Variants in KIRREL3 observed in about 807,000 individuals in gnomAD.
KIRREL3 encodes kirre like nephrin family adhesion molecule 3.
KIRREL3 carries 36 observed loss-of-function variants against 89.7 expected under a neutral mutation model. That is an observed-to-expected ratio of 0.40 (90% CI 0.31 to 0.53). The LOEUF (loss-of-function observed/expected upper bound fraction) is 0.53, where lower values mean the gene tolerates loss of function less well. Ranked by LOEUF, KIRREL3 falls within the 20% of genes least tolerant of loss-of-function variation. The pLI is 0.49. For missense variants in KIRREL3, 864 were observed against 1,056.6 expected (o/e 0.82, Z 2.53); for synonymous variants, 445 against 441.4 (o/e 1.01, Z -0.10).
chr11:126,495,051 A>G lies in KIRREL3; in HGVS notation c.434-21585T>C, dbSNP rs909258096. 6.6e-6 allele frequency among the ~76,000 whole-genome samples: 1 copy of G among 152,180 alleles called. No individual in the cohort carries two copies. Among genetic ancestry groups the G allele is most frequent in the Non-Finnish European group, 1.5e-5 (1 of 68,026 alleles). The stretch of plus-strand genomic sequence containing the variant: ...GGGTGGCTAGGCTGTGCACTGGCCA[A>G]TTCCAGTGGGCACTGAGCACTTAGC... On this transcript the variant is annotated intron_variant, in intron 4 of 16. Coordinates refer to ENST00000525144, the MANE Select transcript of KIRREL3 (RefSeq NM_032531.4). The surrounding 1 kb of genome is among the most constrained non-coding windows in gnomAD (Gnocchi z 6.5).
At position 126,795,806 on chromosome 11, in the gene KIRREL3, T is replaced by TC. The variant is rs369224114; in HGVS notation, c.55+204648dup. Among the ~76,000 whole-genome samples the TC allele has an allele frequency of 3.3e-5, 5 of 151,552 alleles. No homozygotes were observed. The highest frequency in any genetic ancestry group is 2.1e-4 in the South Asian group (1 of 4,800). On this transcript the variant is annotated intron_variant, in intron 1 of 16. Coordinates refer to ENST00000525144, the MANE Select transcript of KIRREL3 (RefSeq NM_032531.4). This position sits in a 1 kb window ranked among gnomAD's most constrained non-coding sequence, Gnocchi z 4.1. ...AGCCACTTCAACCACCAGTTCTTCTTCCCCCTGTGCACCCCAAGAGCGTAC... is the reference window on the plus strand; with the variant it reads ...AGCCACTTCAACCACCAGTTCTTCTTCCCCCCTGTGCACCCCAAGAGCGTAC...
intron 1 of KIRREL3, among the ~76,000 whole-genome samples, chr11:126,911,847 G>A (rs1946829862): frequency 6.6e-6 from 1 of 152,106 alleles, no homozygotes. Flanking sequence ...GCCGGGCGCG[G>A]TGGCGGGTGC....
At chr11:126,552,545 GAA>G (rs1219208231) in intron 2 of KIRREL3, among the ~76,000 whole-genome samples, 1 of 107,964 alleles carries the variant, frequency 9.3e-6, no homozygotes, top group Non-Finnish European at 1.9e-5. Flanking sequence ...AGGGGAGAGA[GAA>G]AAGTTTTTTT....
At chr11:126,728,919 C>A (rs1334193077) in intron 1 of KIRREL3, among the ~76,000 whole-genome samples, 1 of 67,656 alleles carries the variant, frequency 1.5e-5, no homozygotes, top group Non-Finnish European at 3.5e-5. Flanking sequence ...AATCAGGAAG[C>A]AGACGCTAGC....
rs1346391887 is a variant in KIRREL3, at chr11:126,475,685, C to A, written c.434-2219G>T. Among the ~76,000 whole-genome samples the A allele has an allele frequency of 6.6e-6, 1 of 152,224 alleles. No individual in the cohort carries two copies. Among genetic ancestry groups the A allele is most frequent in the East Asian group, 1.9e-4 (1 of 5,186 alleles). ...ATGGATGGAGAAGACGACCCCCCAG[C>A]CGCCCACCCCACACCCTTTCATTAG... On this transcript the variant is annotated intron_variant, in intron 4 of 16. Coordinates refer to ENST00000525144, the MANE Select transcript of KIRREL3 (RefSeq NM_032531.4). The surrounding 1 kb of genome is among the most constrained non-coding windows in gnomAD (Gnocchi z 7.5).
intron 4 of KIRREL3, among the ~76,000 whole-genome samples, chr11:126,504,722 A>G (rs1957969594): frequency 6.6e-6 from 1 of 152,218 alleles, no homozygotes; most frequent in Admixed American, 6.5e-5. Context: ...ACTATAGACT[A>G]TTGTCCATCA....
chr11:126,493,654 C>CAGA (rs373394971), intron 4 of KIRREL3, among the ~76,000 whole-genome samples: 1 of 82,236 alleles, frequency 1.2e-5, no homozygotes, highest in Non-Finnish European at 2.2e-5. Context: ...GACTCTGTCT[C>CAGA]AAAAAAAAAA....
Position 126,653,240 on chromosome 11 carries a change from G to A in KIRREL3, c.56-90328C>T, listed in dbSNP as rs751091621. ...AACGGAGGAGGCGGTACTGGGGCCCGTGGTGGCAGAGGATGACGGCTTTGC... is the reference window on the plus strand; with the variant it reads ...AACGGAGGAGGCGGTACTGGGGCCCATGGTGGCAGAGGATGACGGCTTTGC... On this transcript the variant is annotated intron_variant, in intron 1 of 16. Transcript: ENST00000525144. This position sits in a 1 kb window ranked among gnomAD's most constrained non-coding sequence, Gnocchi z 5.4. Among the ~76,000 whole-genome samples the A allele has an allele frequency of 1.3e-5, 2 of 152,204 alleles. No individual in the cohort carries two copies. The highest frequency in any genetic ancestry group is 2.9e-5 in the Non-Finnish European group (2 of 68,036).
intron 1 of KIRREL3, among the ~76,000 whole-genome samples, chr11:126,880,211 A>G (rs1261393253): frequency 6.6e-6 from 1 of 152,216 alleles, no homozygotes; most frequent in East Asian, 1.9e-4. Flanking sequence ...ATCTAGAAGT[A>G]CCTTCCCAAT....
chr11:126,907,821 A>C (rs1398257812), intron 1 of KIRREL3, among the ~76,000 whole-genome samples: 1 of 151,964 alleles, frequency 6.6e-6, no homozygotes, highest in Non-Finnish European at 1.5e-5. Context: ...TTTTGCCCCA[A>C]CCACACTGAA....
Position 126,766,313 on chromosome 11 carries a change from A to G in KIRREL3, c.56-203401T>C, listed in dbSNP as rs1317545798. On this transcript the variant is annotated intron_variant, in intron 1 of 16. Transcript: ENST00000525144. The surrounding 1 kb of genome is among the most constrained non-coding windows in gnomAD (Gnocchi z 4.2). ...TGGTGCTATAATATGGTCCTGCCAA[A>G]CCCATTACAGTAATGACAGTGTTGC... Among the ~76,000 whole-genome samples the G allele has an allele frequency of 6.6e-6, 1 of 152,032 alleles. No individual in the cohort carries two copies. Among genetic ancestry groups the G allele is most frequent in the Non-Finnish European group, 1.5e-5 (1 of 68,016 alleles).
Position 126,462,513 on chromosome 11 carries a change from A to G in KIRREL3, c.742+644T>C, listed in dbSNP as rs532517566. 1.3e-4 allele frequency among the ~76,000 whole-genome samples: 20 copies of G among 152,218 alleles called. No individual in the cohort carries two copies. The South Asian group carries it at 3.5e-3, about 27-fold the overall frequency. On this transcript the variant is annotated intron_variant, in intron 6 of 16. Transcript: ENST00000525144. The surrounding 1 kb of genome is among the most constrained non-coding windows in gnomAD (Gnocchi z 4.8). ...AACCCCATATCTACTAAAGATACAG[A>G]AATTAGCTGGGTGTAGTGATGGATG...
Position 126,995,209 on chromosome 11 carries a change from C to T in KIRREL3, c.55+5246G>A, listed in dbSNP as rs568839284. 1 of 456,260 alleles carries T rather than the reference C, an allele frequency of 2.2e-6. No homozygotes were observed. The highest frequency in any genetic ancestry group is 7.0e-5 in the East Asian group (1 of 14,376). The allele number at this position is 456,260 out of a possible 1,614,324, so 28.3% of individuals were successfully genotyped here. A position where few individuals can be genotyped will look rare whatever the true frequency, so the allele number is the denominator to read the frequency against. On this transcript the variant is annotated intron_variant, in intron 1 of 16. Transcript: ENST00000525144. The surrounding 1 kb of genome is among the most constrained non-coding windows in gnomAD (Gnocchi z 6.5). Reference sequence around the variant, plus strand: ...CCCAGAGCAGCTGCTCCCACCGACCCTGCTCCAAGAGTGCTGGGATGTCCG... The same window carrying T: ...CCCAGAGCAGCTGCTCCCACCGACCTTGCTCCAAGAGTGCTGGGATGTCCG...
chr11:126,571,495 C>G lies in KIRREL3; in HGVS notation c.56-8583G>C, dbSNP rs1269596174. Among the ~76,000 whole-genome samples, 1 of 152,240 alleles carries G rather than the reference C, an allele frequency of 6.6e-6. No homozygotes were observed. The highest frequency in any genetic ancestry group is 1.5e-5 in the Non-Finnish European group (1 of 68,044). On this transcript the variant is annotated intron_variant, in intron 1 of 16. Coordinates refer to ENST00000525144, the MANE Select transcript of KIRREL3 (RefSeq NM_032531.4). The surrounding 1 kb of genome is among the most constrained non-coding windows in gnomAD (Gnocchi z 7.7). ...CTGGGACCAGGCTCATGTAGTTCAC[C>G]ATCACAATGAAAGCTGCCATGTGCT...
intron 1 of KIRREL3, among the ~76,000 whole-genome samples, chr11:126,690,706 C>T (rs550193285): frequency 2.8e-4 from 43 of 152,180 alleles, no homozygotes; most frequent in Non-Finnish European, 5.1e-4. Context: ...CAGCTAAGGA[C>T]AAGGCCTTAG....
At chr11:126,542,799 A>G (rs919328750) in intron 2 of KIRREL3, among the ~76,000 whole-genome samples, 7 of 152,228 alleles carry the variant, frequency 4.6e-5, no homozygotes, top group African/African-American at 1.7e-4. Context: ...ACTTGGTGAT[A>G]GCATTTGCCA....
intron 1 of KIRREL3, among the ~76,000 whole-genome samples, chr11:126,894,576 A>G: frequency 4.5e-5 from 6 of 132,750 alleles, no homozygotes; most frequent in African/African-American, 1.7e-4. Flanking sequence ...AAAAAGGAAA[A>G]GAAAGAAAGA....
At chr11:126,509,582 C>G (rs753129389) in intron 4 of KIRREL3, among the ~76,000 whole-genome samples, 1 of 152,204 alleles carries the variant, frequency 6.6e-6, no homozygotes, top group Non-Finnish European at 1.5e-5. Context: ...ATGATGGACC[C>G]AGATTTTGCC....
At chr11:126,649,305 C>T (rs1944817784) in intron 1 of KIRREL3, among the ~76,000 whole-genome samples, 1 of 152,148 alleles carries the variant, frequency 6.6e-6, no homozygotes, top group Admixed American at 6.5e-5. Flanking sequence ...ATTTCAAAAC[C>T]TATCAGGCCT....
Sources: allele counts gnomAD v4.1 joint callset (sites outside exome capture counted in the v4.1 genomes callset), GRCh38; gene constraint gnomAD v4.1.1; non-coding constraint Gnocchi (gnomAD v3.1); transcripts MANE v1.5; gene names NCBI Gene and HGNC (gene_info 2026-07-23, HGNC 2026-07-21).